Variants in COPZ2 observed in about 807,000 individuals in gnomAD.
The protein encoded by COPZ2 is coatomer subunit zeta-2.
A neutral mutation model predicts 33.2 loss-of-function variants in COPZ2; 30 were observed. The observed-to-expected ratio is 0.90, with a 90% CI of 0.68 to 1.23. The LOEUF (loss-of-function observed/expected upper bound fraction) is 1.23. COPZ2 is among the 50% of genes most tolerant of loss of function. COPZ2 has a pLI of 0.00. For synonymous variants in COPZ2, 89 were observed against 102.6 expected (o/e 0.87, Z 0.80); for missense variants, 263 against 262.4 (o/e 1.00, Z -0.02).
chr17:48,047,829 C>T, the COPZ2 span: 40,880 of 152,166 alleles, frequency 0.27, 6,269 homozygotes, highest in African/African-American at 0.43. Context: ...GATGGCGGCA[C>T]GAGCGTCGCA....
At chr17:48,039,275 A>G (rs925368748), upstream of COPZ2, among the ~76,000 whole-genome samples, 1 of 152,048 alleles carries the variant, frequency 6.6e-6, no homozygotes, top group Non-Finnish European at 1.5e-5. Context: ...GTTCCAGACC[A>G]GCCTGGGCAA....
chr17:48,027,514 T>C (rs12602670), intron 8 of COPZ2, among the ~76,000 whole-genome samples: 13,782 of 152,220 alleles, frequency 0.091, 771 homozygotes, highest in East Asian at 0.2. Flanking sequence ...TGAGCACCTG[T>C]GTTCTTATCT....
chr17:48,043,634 T>C, the COPZ2 span: 1 of 874,354 alleles, frequency 1.1e-6, no homozygotes, highest in Non-Finnish European at 1.4e-6. Context: ...GAGATAAAGT[T>C]GTAGGGTGGG....
intron 2 of COPZ2, 63 bp from the exon 3 acceptor site, chr17:48,034,007 G>A (rs770414508): frequency 8.2e-5 from 101 of 1,231,912 alleles, no homozygotes; most frequent in Non-Finnish European, 1.1e-4. Context: ...TCCCTAGATT[G>A]GGGGGCAGGA....
chr17:48,032,104 T>C, intron 6 of COPZ2, 52 bp downstream of exon 6: 1 of 1,478,698 alleles, frequency 6.8e-7, no homozygotes, highest in Non-Finnish European at 9.4e-7. Flanking sequence ...CTGGGGCTGA[T>C]GATTATCAAA....
At chr17:48,032,832 A>G (rs2036914613) in intron 4 of COPZ2, 91 bp from the exon 5 acceptor site, 2 of 1,051,106 alleles carry the variant, frequency 1.9e-6, no homozygotes, top group Non-Finnish European at 2.9e-6. Context: ...GCGGGCAGCA[A>G]TGGAGAGTTT....
rs1429667507 is a variant in COPZ2, at chr17:48,036,865, G to A, written c.172C>T (p.Arg58Trp). The change falls in exon 2 of 9, where the codon CGG becomes TGG. Residue 58 changes from arginine to tryptophan, a missense_variant. By Grantham distance (101) the Arg-to-Trp change is moderately radical. Coordinates refer to ENST00000621465, the MANE Select transcript of COPZ2 (RefSeq NM_016429.4). ...AVFILDNDGRRLLAKYYDDTF... is the reference protein window; with the variant it reads ...AVFILDNDGRWLLAKYYDDTF... Reference sequence around the variant, plus strand: ...TCAGAGGTTACCTTGGCCAGCAGCCGGCGCCCGTCATTATCTAGGATGAAA... The same window carrying A: ...TCAGAGGTTACCTTGGCCAGCAGCCAGCGCCCGTCATTATCTAGGATGAAA... The A allele has an allele frequency of 2.5e-6, 4 of 1,613,792 alleles. No individual in the cohort carries two copies. The highest frequency in any genetic ancestry group is 2.5e-6 in the Non-Finnish European group (3 of 1,179,862).
At chr17:48,043,189 T>A in the COPZ2 span, among the ~76,000 whole-genome samples, 1 of 152,136 alleles carries the variant, frequency 6.6e-6, no homozygotes, top group Admixed American at 6.6e-5. Context: ...GATGGAGAGG[T>A]GGGCTGTGCA....
the COPZ2 span, chr17:48,043,653 G>T: frequency 1.4e-6 from 1 of 718,068 alleles, no homozygotes; most frequent in Non-Finnish European, 1.7e-6. Flanking sequence ...GGTGGAGAGA[G>T]GATTATTCAA....
At chr17:48,046,789 G>C in the COPZ2 span, 1 of 152,166 alleles carries the variant, frequency 6.6e-6, no homozygotes, top group Non-Finnish European at 1.5e-5. Context: ...AGGAAAATCA[G>C]AGGCCTGCCT....
rs541404337 is a variant in COPZ2 at position 48,033,899 on chromosome 17, C to A, written c.232G>T (p.Glu78Ter). 1.2e-6 allele frequency: 2 copies of A among 1,611,846 alleles called. No homozygotes were observed. The highest frequency in any genetic ancestry group is 1.3e-5 in the African/African-American group (1 of 74,958). Residue 78 changes from glutamate (E) to a stop codon, truncating the protein, a stop_gained, in exon 3 of 9, where the codon GAG (glutamate) becomes TAG (stop). Transcript: ENST00000621465. LOFTEE classifies it high-confidence loss of function. ...CTGGTCTTGTTGAAGACATTTTTCT[C>A]GAAAACCATCTGCTCCTTCATGGAG... is the stretch of plus-strand genomic sequence containing the variant. ...FPSMKEQMVF[E>*]KNVFNKTSRT... is the part of the protein sequence containing the mutation.
Position 48,037,624 on chromosome 17 carries a change from C to A in COPZ2, c.111+43G>T. On this transcript the variant is annotated intron_variant, in intron 1 of 8. Coordinates refer to ENST00000621465, the MANE Select transcript of COPZ2 (RefSeq NM_016429.4). The surrounding 1 kb of genome is among the most constrained non-coding windows in gnomAD (Gnocchi z 5.6). Reference sequence around the variant, plus strand: ...CCCCTAACCCTGCTCTGTCCCTGCCCAGCTCCCGCCGCCCGGGATCCCCGC... The same window carrying A: ...CCCCTAACCCTGCTCTGTCCCTGCCAAGCTCCCGCCGCCCGGGATCCCCGC... 9.4e-7 allele frequency: 1 copy of A among 1,064,416 alleles called. No homozygotes were observed. The highest frequency in any genetic ancestry group is 4.2e-5 in the South Asian group (1 of 24,052). The allele number at this position is 1,064,416 out of a possible 1,614,324, so 65.9% of individuals were successfully genotyped here.
At chr17:48,046,036 G>C in the COPZ2 span, 1 of 152,146 alleles carries the variant, frequency 6.6e-6, no homozygotes, top group South Asian at 2.1e-4. Context: ...CCCACACCCT[G>C]CCAGGCCTAG....
At chr17:48,030,756 G>A (rs2036883898) in intron 6 of COPZ2, among the ~76,000 whole-genome samples, 1 of 152,226 alleles carries the variant, frequency 6.6e-6, no homozygotes, top group Non-Finnish European at 1.5e-5. Flanking sequence ...GGCAGAGACG[G>A]GAAGCTTGTG....
upstream of COPZ2, among the ~76,000 whole-genome samples, chr17:48,040,927 A>C (rs2144323144): frequency 6.6e-6 from 1 of 151,876 alleles, no homozygotes; most frequent in East Asian, 1.9e-4. Context: ...AGGCGGGCAG[A>C]TCACTTGAGA....
At chr17:48,043,435 C>G in the COPZ2 span, 1 of 806,600 alleles carries the variant, frequency 1.2e-6, no homozygotes, top group Non-Finnish European at 1.5e-6. Context: ...CCCTTGGGTA[C>G]CAGCCTCTCT....
At chr17:48,041,983 T>G (rs934708477), upstream of COPZ2, among the ~76,000 whole-genome samples, 4 of 150,268 alleles carry the variant, frequency 2.7e-5, no homozygotes, top group Admixed American at 1.3e-4. Context: ...ATAGGGGAGG[T>G]GGGGAAGGAG....
chr17:48,031,342 C>T (rs763241285), intron 6 of COPZ2, among the ~76,000 whole-genome samples: 8 of 151,660 alleles, frequency 5.3e-5, no homozygotes, highest in Non-Finnish European at 7.4e-5. Flanking sequence ...GTCCCAGCTA[C>T]TCAGGAGGCT....
At position 48,036,938 on chromosome 17, in the gene COPZ2, A is replaced by G. The variant is rs2036992751; in HGVS notation, c.112-13T>C. ...AAGGTTCCTGCAACTGACACCGGAG[A>G]GGAGAGTTCCGTTTGGCCCCTGACT... On this transcript the variant is annotated splice_polypyrimidine_tract_variant and intron_variant, in intron 1 of 8. Transcript: ENST00000621465. The G allele has an allele frequency of 6.2e-7, 1 of 1,612,606 alleles. No individual in the cohort carries two copies. The highest frequency in any genetic ancestry group is 1.3e-5 in the African/African-American group (1 of 74,866).
Sources: gnomAD v4.1 joint callset for allele counts (sites outside exome capture counted in the v4.1 genomes callset) on GRCh38, gnomAD v4.1.1 for gene constraint, Gnocchi (gnomAD v3.1) non-coding constraint, MANE v1.5 for transcripts, NCBI Gene and HGNC (gene_info 2026-07-23, HGNC 2026-07-21) for gene names.